The following MPC1 variants were observed in gnomAD, a reference collection of about 807,000 sequenced individuals.
MPC1 encodes HSPC040 protein.
MPC1 carries 6 observed loss-of-function variants against 13.9 expected under a neutral mutation model. The ratio of observed to expected loss-of-function variants is 0.43; its 90% CI spans 0.24 to 0.85. The LOEUF (loss-of-function observed/expected upper bound fraction) is 0.85. Ranked by LOEUF, MPC1 falls within the 40% of genes least tolerant of loss-of-function variation. The pLI is 0.24. For synonymous variants in MPC1, 47 were observed against 50.5 expected (o/e 0.93, Z 0.29); for missense variants, 115 against 143.3 (o/e 0.80, Z 1.01).
At chr6:166,367,656 CT>C (rs2114946155) in intron 2 of MPC1, among the ~76,000 whole-genome samples, 1 of 152,238 alleles carries the variant, frequency 6.6e-6, no homozygotes, top group East Asian at 1.9e-4. Context: ...TAAAATAAGG[CT>C]TGTGGCTTTT....
intron 1 of MPC1, among the ~76,000 whole-genome samples, chr6:166,370,858 A>C (rs1024955115): frequency 3.9e-5 from 6 of 152,196 alleles, no homozygotes; most frequent in South Asian, 2.1e-4. Context: ...AAAAGTAGAA[A>C]AGTAAAAAGA....
intron 1 of MPC1, among the ~76,000 whole-genome samples, chr6:166,374,371 A>T (rs899227317): frequency 6.6e-6 from 1 of 152,100 alleles, no homozygotes; most frequent in East Asian, 1.9e-4. Context: ...ATATTTTCTC[A>T]TATATTATCT....
chr6:166,366,235 T>C (rs1317096765), intron 3 of MPC1, 129 bp from the exon 4 acceptor site: 5 of 1,054,068 alleles, frequency 4.7e-6, no homozygotes, highest in Admixed American at 3.2e-5. Flanking sequence ...CTTTGACAGA[T>C]AAAAGTTGTT....
chr6:166,369,633 T>C (rs1012895251), intron 2 of MPC1, among the ~76,000 whole-genome samples: 6 of 152,244 alleles, frequency 3.9e-5, no homozygotes, highest in Admixed American at 2.6e-4. Context: ...TCTAGTACAA[T>C]ATTCTAGTTC....
At chr6:166,382,718 T>A in intron 1 of MPC1, 88 bp downstream of exon 1, 1 of 1,377,630 alleles carries the variant, frequency 7.3e-7, no homozygotes, top group East Asian at 3.0e-5. Context: ...CACCGCGTCC[T>A]CGCGGCCGCC....
chr6:166,374,378 A>AT (rs796652978), intron 1 of MPC1, among the ~76,000 whole-genome samples: 2 of 152,212 alleles, frequency 1.3e-5, no homozygotes, highest in South Asian at 4.1e-4. Context: ...CTCATATATT[A>AT]TCTTTTCATT....
chr6:166,375,467 T>C (rs1193208520), intron 1 of MPC1, among the ~76,000 whole-genome samples: 2 of 126,504 alleles, frequency 1.6e-5, no homozygotes, highest in East Asian at 2.5e-4. Context: ...TTTTTTTTTT[T>C]AGTTTTGTAA....
At position 166,366,156 on chromosome 6, in the gene MPC1, G is replaced by A. The variant is rs371448651; in HGVS notation, c.173-50C>T. ...CAATCAATAACTTAGAAAACTGAGA[G>A]GGTTGATAGGACCACAGAGATGAAC... On this transcript the variant is annotated intron_variant, in intron 3 of 4. Coordinates refer to ENST00000360961, the MANE Select transcript of MPC1 (RefSeq NM_016098.4). The A allele has an allele frequency of 5.2e-5, 82 of 1,588,256 alleles. No individual in the cohort carries two copies. The African/African-American group carries it at 8.8e-4, about 17-fold the overall frequency.
At chr6:166,377,100 C>T (rs1305267839) in intron 1 of MPC1, among the ~76,000 whole-genome samples, 8 of 150,864 alleles carry the variant, frequency 5.3e-5, no homozygotes, top group Admixed American at 6.6e-5. Flanking sequence ...TCCATTTTCC[C>T]TCCTTTCCTG....
intron 1 of MPC1, among the ~76,000 whole-genome samples, chr6:166,380,110 A>G (rs1457270457): frequency 4.6e-5 from 7 of 152,254 alleles, no homozygotes; most frequent in African/African-American, 1.4e-4. Flanking sequence ...GTTCAAGATC[A>G]TAGAGCTTTA....
At position 166,365,816 on chromosome 6, in the gene MPC1, T is replaced by C. The variant is rs1393118685; in HGVS notation, c.305+158A>G. 1.3e-5 allele frequency among the ~76,000 whole-genome samples: 2 copies of C among 152,198 alleles called. No homozygotes were observed. Among genetic ancestry groups the C allele is most frequent in the South Asian group, 4.1e-4 (2 of 4,830 alleles). On this transcript the variant is annotated intron_variant, in intron 4 of 4. Coordinates refer to ENST00000360961, the MANE Select transcript of MPC1 (RefSeq NM_016098.4). The surrounding 1 kb of genome is among the most constrained non-coding windows in gnomAD (Gnocchi z 4.2). ...GATGCTCAGCCTGTATCCTAGTTCA[T>C]GTTAACTTTCATGGTTTAGTAAGTT... is the stretch of plus-strand genomic sequence containing the variant.
chr6:166,370,123 C>G, intron 2 of MPC1, 95 bp downstream of exon 2: 1 of 777,844 alleles, frequency 1.3e-6, no homozygotes, highest in South Asian at 1.4e-5. Flanking sequence ...GCTAGAAAGG[C>G]TCTCATATGC....
chr6:166,365,588 G>A lies in MPC1; in HGVS notation c.306-135C>T, dbSNP rs926970666. On this transcript the variant is annotated intron_variant, in intron 4 of 4. Coordinates refer to ENST00000360961, the MANE Select transcript of MPC1 (RefSeq NM_016098.4). The surrounding 1 kb of genome is among the most constrained non-coding windows in gnomAD (Gnocchi z 4.2). The stretch of plus-strand genomic sequence containing the variant: ...TACAACTTATAAAAACAATAATATA[G>A]GTTGGGTATCCCTCATCTGAAATGC... The A allele has an allele frequency of 1.4e-5, 10 of 693,460 alleles. No homozygotes were observed. Among genetic ancestry groups the A allele is most frequent in the Admixed American group, 1.1e-4 (3 of 28,462 alleles). The allele number at this position is 693,460 out of a possible 1,614,324, so 43.0% of individuals were successfully genotyped here.
intron 2 of MPC1, chr6:166,367,293 T>G: frequency 1.6e-6 from 1 of 639,370 alleles, no homozygotes; most frequent in Non-Finnish European, 2.0e-6. Context: ...TGTTTAAATC[T>G]ATCCACACTC....
Position 166,382,793 on chromosome 6 carries a change from C to T in MPC1, c.71+13G>A. The T allele has an allele frequency of 5.1e-6, 8 of 1,579,436 alleles. No individual in the cohort carries two copies. Among genetic ancestry groups the T allele is most frequent in the Non-Finnish European group, 6.0e-6 (7 of 1,165,238 alleles). ...CCTCCGGGTTGCGGGGTTCGGCCTGCGGCGCTCGTCACCTCATGAGGTAGT... is the reference window on the plus strand; with the variant it reads ...CCTCCGGGTTGCGGGGTTCGGCCTGTGGCGCTCGTCACCTCATGAGGTAGT... On this transcript the variant is annotated intron_variant, in intron 1 of 4. Coordinates refer to ENST00000360961, the MANE Select transcript of MPC1 (RefSeq NM_016098.4).
rs369476309 is a variant in MPC1, at chr6:166,370,289, T to C, written c.72-68A>G. On this transcript the variant is annotated intron_variant, in intron 1 of 4. Transcript: ENST00000360961. ...GGAAAAAAAAGAAACAAAAATCAAA[T>C]GATTTTGGTCTTATTAGGTTACTGC... 253 of 704,116 alleles carry C rather than the reference T, an allele frequency of 3.6e-4. 3 individuals are homozygous for C. The Middle Eastern group carries it at 6.6e-3, about 18-fold the overall frequency. 43.6% of individuals were successfully genotyped at this position (704,116 alleles called of 1,614,324 possible).
intron 1 of MPC1, among the ~76,000 whole-genome samples, chr6:166,374,742 T>C (rs963543885): frequency 6.6e-6 from 1 of 152,378 alleles, no homozygotes; most frequent in African/African-American, 2.4e-5. Context: ...ATTTGGTTTA[T>C]GTAGGTCTAC....
chr6:166,368,882 C>G, intron 2 of MPC1: 1 of 985,542 alleles, frequency 1.0e-6, no homozygotes, highest in Non-Finnish European at 1.2e-6. Context: ...TCTTGCCACT[C>G]CTCTGCACTG....
chr6:166,382,926 CCCAGAG>C lies in MPC1; in HGVS notation c.-56_-51del. 1 of 1,557,692 alleles carries C rather than the reference CCCAGAG, an allele frequency of 6.4e-7. No homozygotes were observed. ...GTGGTCCCTGCCTCTGCTGCCGCTTCCCAGAGCCAATGACACCCCGGCCAACCCCCC... is the reference window on the plus strand; with the variant it reads ...GTGGTCCCTGCCTCTGCTGCCGCTTCCCAATGACACCCCGGCCAACCCCCC... On this transcript the variant is annotated 5_prime_UTR_variant, in exon 1 of 5. Coordinates refer to ENST00000360961, the MANE Select transcript of MPC1 (RefSeq NM_016098.4).
Sources: allele counts gnomAD v4.1 joint callset (sites outside exome capture counted in the v4.1 genomes callset), GRCh38; gene constraint gnomAD v4.1.1; non-coding constraint Gnocchi (gnomAD v3.1); transcripts MANE v1.5; gene names NCBI Gene and HGNC (gene_info 2026-07-23, HGNC 2026-07-21).